Variants in GRIK2 observed in about 807,000 individuals in gnomAD.
The protein encoded by GRIK2 is glutamate ionotropic receptor kainate type subunit 2.
In GRIK2, 32 loss-of-function variants were observed where a neutral mutation model predicts 100.3. The observed-to-expected ratio is 0.32, with a 90% CI of 0.24 to 0.43. GRIK2 has a LOEUF of 0.43. Ranked by LOEUF, GRIK2 falls within the 20% of genes least tolerant of loss-of-function variation. The probability of loss-of-function intolerance (pLI) is 1.00; values close to 1 mark genes in which losing one functional copy is unlikely to be tolerated. For missense variants in GRIK2, 843 were observed against 1,114.9 expected, an observed-to-expected ratio of 0.76 and a Z score of 3.47; for synonymous variants, 417 against 389.4, an observed-to-expected ratio of 1.07 and a Z score of -0.83.
chr6:101,665,289 C>T (rs1415483), intron 4 of GRIK2, among the ~76,000 whole-genome samples: 13,561 of 152,204 alleles, frequency 0.089, 769 homozygotes, highest in South Asian at 0.24. Flanking sequence ...CTGGTTATAT[C>T]TAAGACACCA....
chr6:101,560,825 A>G (rs547010321), intron 2 of GRIK2, among the ~76,000 whole-genome samples: 55 of 152,294 alleles, frequency 3.6e-4, no homozygotes, highest in African/African-American at 1.3e-3. Context: ...TATTGCTAAC[A>G]GTTCCAAACT....
At chr6:102,026,730 A>C (rs1465800557) in intron 14 of GRIK2, among the ~76,000 whole-genome samples, 1 of 151,244 alleles carries the variant, frequency 6.6e-6, no homozygotes, top group Non-Finnish European at 1.5e-5. Context: ...TGAGAAGAGC[A>C]ATTCTCTCTG....
chr6:102,065,755 G>A lies in GRIK2; in HGVS notation c.2563-2592G>A, dbSNP rs1388610414. Reference sequence around the variant, plus strand: ...GTCAACGGGATCAAGTTTTGACCATGTTATGTCATCTAATTAATTCTTCTG... The same window carrying A: ...GTCAACGGGATCAAGTTTTGACCATATTATGTCATCTAATTAATTCTTCTG... On this transcript the variant is annotated intron_variant, in intron 16 of 16. Transcript: ENST00000369134. 5 of 1,353,070 alleles carry A rather than the reference G, an allele frequency of 3.7e-6. No individual in the cohort carries two copies. The African/African-American group carries it at 6.0e-5, about 16-fold the overall frequency. The allele number at this position is 1,353,070 out of a possible 1,614,324, so 83.8% of individuals were successfully genotyped here. A position where few individuals can be genotyped will look rare whatever the true frequency, so the allele number is the denominator to read the frequency against.
chr6:102,036,439 T>G (rs1770277270), intron 15 of GRIK2, among the ~76,000 whole-genome samples: 1 of 151,346 alleles, frequency 6.6e-6, no homozygotes. Context: ...GCAGATGCGA[T>G]TAAGTTAAGG....
At chr6:102,012,458 T>C (rs1324086761) in intron 14 of GRIK2, among the ~76,000 whole-genome samples, 2 of 152,204 alleles carry the variant, frequency 1.3e-5, no homozygotes, top group African/African-American at 4.8e-5. Flanking sequence ...CTTCACAATA[T>C]TGAGTCTTCC....
intron 2 of GRIK2, among the ~76,000 whole-genome samples, chr6:101,619,106 G>A (rs1473460375): frequency 6.7e-6 from 1 of 150,188 alleles, no homozygotes; most frequent in African/African-American, 2.4e-5. Context: ...CTCCTCAATA[G>A]TTTGTAACAC....
chr6:102,025,113 G>A (rs1769624880), intron 14 of GRIK2, among the ~76,000 whole-genome samples: 1 of 151,134 alleles, frequency 6.6e-6, no homozygotes, highest in African/African-American at 2.4e-5. Context: ...GCTTTGTAAT[G>A]TTAGAGCTGA....
rs1770733117 is a variant in GRIK2 at position 101,675,196 on chromosome 6, T to C, written c.542-1427T>C. On this transcript the variant is annotated intron_variant, in intron 4 of 16. Coordinates refer to ENST00000369134, the MANE Select transcript of GRIK2 (RefSeq NM_021956.5). ...TCTCTTCCCTCTACCCTCCATTTATTTTTATTTATATTTACTCCTGTTTTC... is the reference window on the plus strand; with the variant it reads ...TCTCTTCCCTCTACCCTCCATTTATCTTTATTTATATTTACTCCTGTTTTC... Among the ~76,000 whole-genome samples, 4 of 152,034 alleles carry C rather than the reference T, an allele frequency of 2.6e-5. No individual in the cohort carries two copies. In the South Asian group the frequency reaches 8.3e-4, roughly 32 times the overall value.
intron 2 of GRIK2, among the ~76,000 whole-genome samples, chr6:101,468,787 A>G (rs1323925725): frequency 6.6e-6 from 1 of 152,154 alleles, no homozygotes; most frequent in Non-Finnish European, 1.5e-5. Context: ...TTTACTTAAA[A>G]TCTAATCAAG....
chr6:101,562,252 A>G (rs1777056076), intron 2 of GRIK2, among the ~76,000 whole-genome samples: 1 of 151,628 alleles, frequency 6.6e-6, no homozygotes, highest in Non-Finnish European at 1.5e-5. Flanking sequence ...TTTTATCCTG[A>G]TTTTTACTTG....
intron 14 of GRIK2, among the ~76,000 whole-genome samples, chr6:102,018,839 A>G (rs1769267823): frequency 6.6e-6 from 1 of 152,110 alleles, no homozygotes; most frequent in Non-Finnish European, 1.5e-5. Context: ...CACTGTTGCT[A>G]GGAAAGACCA....
At chr6:101,476,419 A>C (rs1488220189) in intron 2 of GRIK2, among the ~76,000 whole-genome samples, 13 of 152,172 alleles carry the variant, frequency 8.5e-5, no homozygotes, top group African/African-American at 3.1e-4. Flanking sequence ...AGGAGAGTTC[A>C]TTGGTGGGAA....
chr6:101,633,440 G>A (rs1353401323), intron 4 of GRIK2, among the ~76,000 whole-genome samples: 5 of 152,090 alleles, frequency 3.3e-5, no homozygotes, highest in African/African-American at 1.2e-4. Flanking sequence ...CATGTATAAG[G>A]TGAGGATAAT....
At chr6:101,791,418 C>T (rs1247159797) in intron 7 of GRIK2, among the ~76,000 whole-genome samples, 12 of 152,132 alleles carry the variant, frequency 7.9e-5, no homozygotes, top group Admixed American at 6.6e-4. Flanking sequence ...TTTTTGTTCT[C>T]ATTGGTGTCA....
intron 7 of GRIK2, among the ~76,000 whole-genome samples, chr6:101,725,282 T>C (rs184136683): frequency 2.0e-5 from 3 of 152,128 alleles, no homozygotes; most frequent in African/African-American, 7.2e-5. Flanking sequence ...ATTTTAGTAA[T>C]TGATTGCGAT....
intron 14 of GRIK2, among the ~76,000 whole-genome samples, chr6:101,998,601 G>A (rs191935017): frequency 6.6e-6 from 1 of 151,848 alleles, no homozygotes; most frequent in African/African-American, 2.4e-5. Context: ...GTTTTATAGG[G>A]TTAGGCTTAA....
At chr6:101,446,807 ATT>A (rs200827554) in intron 2 of GRIK2, among the ~76,000 whole-genome samples, 1 of 150,482 alleles carries the variant, frequency 6.6e-6, no homozygotes. Context: ...GCTTTGTCGT[ATT>A]TTTTTTTGTG....
rs189827827 is a variant in GRIK2, at chr6:101,795,998, A to T, written c.952-3650A>T. On this transcript the variant is annotated intron_variant, in intron 7 of 16. Transcript: ENST00000369134. ...GAAAAAATTATATAGAGATTTATGC[A>T]TTCAAGTGCTTGTTGACATTTGTTA... Among the ~76,000 whole-genome samples, 95 of 152,344 alleles carry T rather than the reference A, an allele frequency of 6.2e-4. 1 individual carries two copies. The East Asian group carries it at 0.018, about 29-fold the overall frequency.
At chr6:101,840,720 G>A (rs1288555748) in intron 10 of GRIK2, among the ~76,000 whole-genome samples, 1 of 152,000 alleles carries the variant, frequency 6.6e-6, no homozygotes, top group Non-Finnish European at 1.5e-5. Flanking sequence ...TTCTTAACTT[G>A]AATCCTATAA....
Sources: allele counts gnomAD v4.1 joint callset (sites outside exome capture counted in the v4.1 genomes callset), GRCh38; gene constraint gnomAD v4.1.1; transcripts MANE v1.5; gene names NCBI Gene and HGNC (gene_info 2026-07-23, HGNC 2026-07-21).